CLEC1A: variants seen among roughly 807,000 people sequenced by gnomAD.
CLEC1A encodes C-type lectin domain family 1 member A, also known as C-type lectin-like receptor-1.
CLEC1A carries 34 observed loss-of-function variants against 28.7 expected under a neutral mutation model. The observed-to-expected ratio is 1.18, with a 90% CI of 0.90 to 1.57. The LOEUF is 1.57. Among genes scored for constraint, CLEC1A ranks in the 40% most tolerant of loss-of-function variants. The probability of loss-of-function intolerance (pLI) is 0.00; values close to 1 mark genes in which losing one functional copy is unlikely to be tolerated. For synonymous variants in CLEC1A, 116 were observed against 121.0 expected (o/e 0.96, Z 0.27); for missense variants, 385 against 339.5 (o/e 1.13, Z -1.05).
chr12:10,091,913 G>A (rs994757269), intron 1 of CLEC1A, among the ~76,000 whole-genome samples: 1 of 152,030 alleles, frequency 6.6e-6, no homozygotes, highest in African/African-American at 2.4e-5. Context: ...GAAAAATTAA[G>A]CTCCTTCTTG....
intron 2 of CLEC1A, 25 bp from the exon 3 acceptor site, chr12:10,081,438 T>A: frequency 6.4e-7 from 1 of 1,555,532 alleles, no homozygotes; most frequent in South Asian, 1.2e-5. Flanking sequence ...CAAGTCAGAC[T>A]GGACAGCTTA....
intron 2 of CLEC1A, among the ~76,000 whole-genome samples, chr12:10,088,413 C>T (rs1866545719): frequency 1.2e-5 from 1 of 80,244 alleles, no homozygotes; most frequent in Admixed American, 1.1e-4. Flanking sequence ...TTCTATATAA[C>T]ATTTTTCTTT....
In CLEC1A at chr12:10,070,295, T is replaced by G. The variant is rs1280116648; in HGVS notation, c.*1038A>C. On this transcript the variant is annotated 3_prime_UTR_variant, in exon 6 of 6. Transcript: ENST00000315330. ...TAGGAAAACGTTAAAACTGTTTTCTTGAAGCCAACACGTATTTCAAAGACA... is the reference window on the plus strand; with the variant it reads ...TAGGAAAACGTTAAAACTGTTTTCTGGAAGCCAACACGTATTTCAAAGACA... The G allele has an allele frequency of 6.6e-6, 1 of 152,248 alleles. No homozygotes were observed. Among genetic ancestry groups the G allele is most frequent in the African/African-American group, 2.4e-5 (1 of 41,472 alleles). 9.4% of individuals were successfully genotyped at this position (152,248 alleles called of 1,614,324 possible).
In CLEC1A at chr12:10,071,360, G is replaced by A; in HGVS notation, c.816C>T (p.Pro272=). ...AGTCACCTTCGCCTAATGTTTCAGG[G>A]GGGACATGGAGGCTCTCTGGCTTCA... ...GMVKPESLHV[P]PETLGEGD The change falls in exon 6 of 6, where the codon CCC becomes CCT. Residue 272 remains proline, a synonymous_variant. Coordinates refer to ENST00000315330, the MANE Select transcript of CLEC1A (RefSeq NM_016511.4). 1 of 1,613,712 alleles carries A rather than the reference G, an allele frequency of 6.2e-7. No homozygotes were observed. Among genetic ancestry groups the A allele is most frequent in the Non-Finnish European group, 8.5e-7 (1 of 1,179,792 alleles).
intron 1 of CLEC1A, among the ~76,000 whole-genome samples, chr12:10,094,537 C>T (rs1332410984): frequency 6.6e-6 from 1 of 151,756 alleles, no homozygotes; most frequent in Non-Finnish European, 1.5e-5. Context: ...CTGGAAGCAA[C>T]CTTTACAAAA....
intron 4 of CLEC1A, 136 bp from the exon 5 acceptor site, chr12:10,073,547 G>C: frequency 1.6e-6 from 1 of 643,630 alleles, no homozygotes; most frequent in Non-Finnish European, 2.7e-6. Context: ...ATGCTTAAGA[G>C]AAAAAGCATC....
intron 2 of CLEC1A, among the ~76,000 whole-genome samples, chr12:10,081,959 TA>T (rs1866380742): frequency 6.6e-6 from 1 of 151,884 alleles, no homozygotes; most frequent in South Asian, 2.1e-4. Flanking sequence ...ATGCAAAATA[TA>T]AAAGTAGAAG....
chr12:10,078,202 T>C (rs1363412355), intron 3 of CLEC1A, among the ~76,000 whole-genome samples: 1 of 152,198 alleles, frequency 6.6e-6, no homozygotes, highest in Non-Finnish European at 1.5e-5. Flanking sequence ...TGCCAGATCA[T>C]GTATTTCCTC....
chr12:10,069,878 C>G lies in CLEC1A; in HGVS notation c.*1455G>C, dbSNP rs1170329767. 1 of 152,156 alleles carries G rather than the reference C, an allele frequency of 6.6e-6. No individual in the cohort carries two copies. Among genetic ancestry groups the G allele is most frequent in the African/African-American group, 2.4e-5 (1 of 41,440 alleles). The allele number at this position is 152,156 out of a possible 1,614,324, so 9.4% of individuals were successfully genotyped here. A position where few individuals can be genotyped will look rare whatever the true frequency, so the allele number is the denominator to read the frequency against. On this transcript the variant is annotated 3_prime_UTR_variant, in exon 6 of 6. Coordinates refer to ENST00000315330, the MANE Select transcript of CLEC1A (RefSeq NM_016511.4). ...AAAATGAAGTTTATGAAAATGAGCA[C>G]CAATGTGTTCTTTCTATCATATGAT...
At chr12:10,089,347 G>C in intron 1 of CLEC1A, 125 bp from the exon 2 acceptor site, 3 of 719,014 alleles carry the variant, frequency 4.2e-6, no homozygotes, top group Non-Finnish European at 7.2e-6. Flanking sequence ...CGGTAACAGG[G>C]GCTGGATAAC....
chr12:10,089,673 C>A (rs1866572885), intron 1 of CLEC1A, among the ~76,000 whole-genome samples: 1 of 151,906 alleles, frequency 6.6e-6, no homozygotes, highest in African/African-American at 2.4e-5. Context: ...AAAAACATCC[C>A]CCTTCCCCCA....
At chr12:10,074,657 G>A (rs1330815204) in intron 4 of CLEC1A, among the ~76,000 whole-genome samples, 1 of 152,066 alleles carries the variant, frequency 6.6e-6, no homozygotes, top group East Asian at 1.9e-4. Context: ...AAATTGCCTC[G>A]CTTTCTGCCT....
At chr12:10,094,569 T>C (rs911400096) in intron 1 of CLEC1A, among the ~76,000 whole-genome samples, 1 of 151,800 alleles carries the variant, frequency 6.6e-6, no homozygotes, top group African/African-American at 2.4e-5. Context: ...AAGGAGTCAC[T>C]TAAGTTGCCT....
At chr12:10,098,398 G>C (rs1219941948) in intron 1 of CLEC1A, among the ~76,000 whole-genome samples, 1 of 152,044 alleles carries the variant, frequency 6.6e-6, no homozygotes, top group Non-Finnish European at 1.5e-5. Context: ...CACATAATGA[G>C]CCCTTTATAC....
At chr12:10,080,026 A>G (rs2220436) in intron 3 of CLEC1A, among the ~76,000 whole-genome samples, 121,100 of 151,956 alleles carry the variant, frequency 0.8, 49,529 homozygotes, top group Middle Eastern at 0.88. Flanking sequence ...TTGTAAATAA[A>G]TGCTGGGCAC....
Position 10,097,498 on chromosome 12 carries a change from A to G in CLEC1A, c.115+1310T>C, listed in dbSNP as rs111448077. On this transcript the variant is annotated intron_variant, in intron 1 of 5. Coordinates refer to ENST00000315330, the MANE Select transcript of CLEC1A (RefSeq NM_016511.4). Reference sequence around the variant, plus strand: ...TGTTGCCTAAGATAACTATTTCCAGATGATTTCTTCCAAGACAATTCTTTG... The same window carrying G: ...TGTTGCCTAAGATAACTATTTCCAGGTGATTTCTTCCAAGACAATTCTTTG... 5.3e-5 allele frequency among the ~76,000 whole-genome samples: 8 copies of G among 152,336 alleles called. 1 individual carries two copies. Among genetic ancestry groups the G allele is most frequent in the East Asian group, 1.9e-4 (1 of 5,196 alleles).
chr12:10,088,367 C>T (rs1377163466), intron 2 of CLEC1A, among the ~76,000 whole-genome samples: 2 of 150,336 alleles, frequency 1.3e-5, no homozygotes, highest in Non-Finnish European at 3.0e-5. Flanking sequence ...TATTAAAATT[C>T]CTATAAAACC....
At chr12:10,074,946 G>T (rs945979684) in intron 4 of CLEC1A, among the ~76,000 whole-genome samples, 3 of 152,154 alleles carry the variant, frequency 2.0e-5, no homozygotes, top group African/African-American at 7.2e-5. Flanking sequence ...TAATAAATAT[G>T]AGAGAAAGGG....
At chr12:10,081,581 A>G (rs1164514822) in intron 2 of CLEC1A, among the ~76,000 whole-genome samples, 168 bp from the exon 3 acceptor site, 1 of 19,216 alleles carries the variant, frequency 5.2e-5, no homozygotes, top group Non-Finnish European at 2.4e-4. Flanking sequence ...AAGTTGTATC[A>G]CCTTGGGCAA....
Sources: gnomAD v4.1 joint callset for allele counts (sites outside exome capture counted in the v4.1 genomes callset) on GRCh38, gnomAD v4.1.1 for gene constraint, MANE v1.5 for transcripts, NCBI Gene and HGNC (gene_info 2026-07-23, HGNC 2026-07-21) for gene names.